The following OSBPL10 variants were observed in gnomAD, a reference collection of about 807,000 sequenced individuals.
OSBPL10 encodes the protein oxysterol-binding protein-related protein 10.
In OSBPL10, 49 loss-of-function variants were observed where a neutral mutation model predicts 81.7. The ratio of observed to expected loss-of-function variants is 0.60; its 90% confidence interval spans 0.48 to 0.76. OSBPL10 has a LOEUF of 0.76. Among genes scored for constraint, OSBPL10 ranks in the 30% least tolerant of loss-of-function variants. The pLI is 0.00. For missense variants in OSBPL10, 923 were observed against 987.8 expected, an observed-to-expected ratio of 0.93 and a Z score of 0.88; for synonymous variants, 419 against 383.6, an observed-to-expected ratio of 1.09 and a Z score of -1.08.
chr3:31,689,608 C>A (rs1168936341), intron 7 of OSBPL10, among the ~76,000 whole-genome samples: 1 of 152,042 alleles, frequency 6.6e-6, no homozygotes, highest in Non-Finnish European at 1.5e-5. Context: ...GTGGGAGGGA[C>A]CCAGTGGGAG....
chr3:32,040,204 C>T (rs1399605026), intron 2 of OSBPL10, among the ~76,000 whole-genome samples: 7 of 151,946 alleles, frequency 4.6e-5, no homozygotes, highest in Admixed American at 3.9e-4. Context: ...GTCAAGAGTT[C>T]GAGACCAGCC....
intron 1 of OSBPL10, among the ~76,000 whole-genome samples, chr3:31,970,723 G>C (rs531440134): frequency 4.6e-5 from 7 of 152,204 alleles, no homozygotes; most frequent in Non-Finnish European, 1.0e-4. Flanking sequence ...AATACACAGG[G>C]CCAGCGTTCC....
chr3:31,702,209 G>T (rs1312265196), intron 7 of OSBPL10, 150 bp downstream of exon 7: 1 of 910,952 alleles, frequency 1.1e-6, no homozygotes, highest in East Asian at 2.6e-5. Context: ...ATTATACCTG[G>T]AATATCCATA....
Position 31,674,400 on chromosome 3 carries a change from T to TA in OSBPL10, c.1727-3418_1727-3417insT, listed in dbSNP as rs551018062. ...GAAGCCTCATTTCTATAAAAAAATT[T>TA]TAAAAAAAAATTAGCTGTGCATGGT... On this transcript the variant is annotated intron_variant, in intron 8 of 11. Transcript: ENST00000396556. 7.9e-4 allele frequency among the ~76,000 whole-genome samples: 119 copies of TA among 151,142 alleles called. 1 individual carries two copies. The South Asian group carries it at 8.4e-3, about 11-fold the overall frequency.
intron 1 of OSBPL10, among the ~76,000 whole-genome samples, chr3:31,922,244 C>T (rs1042593018): frequency 2.6e-5 from 4 of 152,208 alleles, no homozygotes; most frequent in Non-Finnish European, 5.9e-5. Flanking sequence ...AATGTAACCA[C>T]ATAAACGTAA....
chr3:31,986,546 C>T (rs926519516), intron 2 of OSBPL10: 2 of 152,102 alleles, frequency 1.3e-5, no homozygotes, highest in African/African-American at 4.8e-5. Flanking sequence ...GAGATCGAGA[C>T]CATCCTGGCT....
upstream of OSBPL10, among the ~76,000 whole-genome samples, chr3:31,984,131 G>A (rs910837717): frequency 6.6e-5 from 10 of 152,036 alleles, no homozygotes; most frequent in African/African-American, 2.2e-4. Context: ...CCTGCCTCCC[G>A]GGTTCACGTC....
At chr3:32,038,428 C>T (rs796572590) in intron 2 of OSBPL10, among the ~76,000 whole-genome samples, 27 of 152,262 alleles carry the variant, frequency 1.8e-4, no homozygotes, top group African/African-American at 5.8e-4. Flanking sequence ...TCAAGTGATT[C>T]TTGTTGCTTC....
intron 5 of OSBPL10, among the ~76,000 whole-genome samples, chr3:31,742,266 A>G (rs938720363): frequency 3.9e-5 from 6 of 152,198 alleles, no homozygotes; most frequent in South Asian, 4.1e-4. Context: ...CAAAAGGAAG[A>G]AGGCAAACAG....
intron 1 of OSBPL10, among the ~76,000 whole-genome samples, chr3:31,957,709 C>T (rs1400785635): frequency 2.6e-5 from 4 of 152,120 alleles, no homozygotes; most frequent in Non-Finnish European, 4.4e-5. Flanking sequence ...GGTGCAATCT[C>T]GGCTCACTGC....
In OSBPL10 at chr3:31,762,630, ATTTTT is replaced by A. The variant is rs56311731; in HGVS notation, c.730-14515_730-14511del. Among the ~76,000 whole-genome samples, 222 of 61,488 alleles carry A rather than the reference ATTTTT, an allele frequency of 3.6e-3. 12 individuals carry two copies. The highest frequency in any genetic ancestry group is 0.017 in the African/African-American group (213 of 12,526). The allele number at this position is 61,488 out of a possible 152,430, so 40.3% of individuals were successfully genotyped here. The stretch of plus-strand genomic sequence containing the variant: ...GCCTATGCACAACACCATGCCCAGC[ATTTTT>A]TTTTTTTTTTTTTTGTAGAGATGGG... On this transcript the variant is annotated intron_variant, in intron 4 of 11. Coordinates refer to ENST00000396556, the MANE Select transcript of OSBPL10 (RefSeq NM_017784.5).
intron 7 of OSBPL10, 116 bp downstream of exon 7, chr3:31,702,243 T>TC: frequency 7.9e-7 from 1 of 1,263,396 alleles, no homozygotes; most frequent in Non-Finnish European, 1.1e-6. Flanking sequence ...CTGGCCTTTT[T>TC]CCCCACTCTT....
rs143663879 is a variant in OSBPL10, at chr3:31,684,654, C to T, written c.1246-540G>A. ...GAGGCCTCGGTAGAAGAATGGTGTA[C>T]AAGCCCCACCATGACTGAGGAAGGG... On this transcript the variant is annotated intron_variant, in intron 7 of 11. Coordinates refer to ENST00000396556, the MANE Select transcript of OSBPL10 (RefSeq NM_017784.5). 3.9e-3 allele frequency among the ~76,000 whole-genome samples: 588 copies of T among 152,306 alleles called. 3 individuals carry two copies. Among genetic ancestry groups the T allele is most frequent in the African/African-American group, 0.013 (525 of 41,576 alleles).
chr3:31,905,841 C>CA (rs371224530), intron 1 of OSBPL10, among the ~76,000 whole-genome samples: 2,275 of 143,234 alleles, frequency 0.016, 51 homozygotes, highest in African/African-American at 0.05. Context: ...CATTCCCTGA[C>CA]AAAAAAAAAC....
intron 1 of OSBPL10, among the ~76,000 whole-genome samples, chr3:31,961,095 A>G (rs1373317558): frequency 2.0e-5 from 3 of 147,074 alleles, no homozygotes; most frequent in Non-Finnish European, 4.5e-5. Context: ...ATTCTACATC[A>G]AATATTCTTC....
chr3:32,057,184 T>C (rs566808858), intron 1 of OSBPL10, among the ~76,000 whole-genome samples: 1 of 152,346 alleles, frequency 6.6e-6, no homozygotes, highest in South Asian at 2.1e-4. Flanking sequence ...ACTGTAAGTA[T>C]ACTCAGTAGA....
intron 6 of OSBPL10, among the ~76,000 whole-genome samples, chr3:31,706,751 A>C (rs972842137): frequency 6.6e-6 from 1 of 152,218 alleles, no homozygotes; most frequent in African/African-American, 2.4e-5. Flanking sequence ...TGAAATGCCA[A>C]TCTTTTTATT....
At chr3:32,012,629 T>C (rs1355693833) in intron 2 of OSBPL10, among the ~76,000 whole-genome samples, 1 of 152,164 alleles carries the variant, frequency 6.6e-6, no homozygotes, top group Non-Finnish European at 1.5e-5. Context: ...AATGCTCCAA[T>C]TAAAAGACAC....
intron 1 of OSBPL10, 66 bp downstream of exon 1, chr3:31,980,833 A>G (rs1698815872): frequency 2.1e-6 from 3 of 1,424,524 alleles, no homozygotes; most frequent in Non-Finnish European, 2.7e-6. Flanking sequence ...ACACATACAC[A>G]CACGCACGCA....
Sources: gnomAD v4.1 joint callset for allele counts (sites outside exome capture counted in the v4.1 genomes callset) on GRCh38, gnomAD v4.1.1 for gene constraint, MANE v1.5 for transcripts, NCBI Gene and HGNC (gene_info 2026-07-23, HGNC 2026-07-21) for gene names.